Variants in VTI1A observed in about 807,000 individuals in gnomAD.
VTI1A encodes vesicle transport through interaction with t-SNAREs 1A, also known as vesicle transport through interaction with t-SNAREs homolog 1A.
In VTI1A, 22 loss-of-function variants were observed where a neutral mutation model predicts 34.9. The ratio of observed to expected loss-of-function variants is 0.63; its 90% CI spans 0.45 to 0.90. The LOEUF (loss-of-function observed/expected upper bound fraction) is 0.90, where lower values mean the gene tolerates loss of function less well. Among genes scored for constraint, VTI1A ranks in the 40% least tolerant of loss-of-function variants. The pLI, the probability that VTI1A is intolerant of heterozygous loss-of-function variation, is 0.00. For synonymous variants in VTI1A, 87 were observed against 97.3 expected, an observed-to-expected ratio of 0.89 and a Z score of 0.62; for missense variants, 268 against 275.6, an observed-to-expected ratio of 0.97 and a Z score of 0.20.
rs538813443 is a variant in VTI1A, at chr10:112,719,735, G to C, written c.560+50737G>C. Among the ~76,000 whole-genome samples the C allele has an allele frequency of 4.1e-3, 631 of 152,132 alleles. 2 individuals carry two copies. The highest frequency in any genetic ancestry group is 5.2e-3 in the Non-Finnish European group (351 of 67,992). The stretch of plus-strand genomic sequence containing the variant: ...CTAGTTTTGTATTTTTAGTAGAGAC[G>C]GGGTTTCTCCATGTTGGTCAGGCTG... On this transcript the variant is annotated intron_variant, in intron 7 of 7. Transcript: ENST00000393077.
At chr10:112,533,967 T>TC (rs1486927729) in intron 4 of VTI1A, among the ~76,000 whole-genome samples, 1 of 152,118 alleles carries the variant, frequency 6.6e-6, no homozygotes, top group East Asian at 1.9e-4. Flanking sequence ...TTAAATAAAC[T>TC]CCTTTCCCCC....
rs762339605 is a variant in VTI1A at position 112,697,865 on chromosome 10, C to CGTGTGTGTGTGTGTGT, written c.560+28867_560+28868insGTGTGTGTGTGTGTGT. On this transcript the variant is annotated intron_variant, in intron 7 of 7. Transcript: ENST00000393077. ...TTTTGTTTCTCTGTATTAGCATTTACATGTGTGTGTGTGTGTGTGTGTGTG... is the reference window on the plus strand; with the variant it reads ...TTTTGTTTCTCTGTATTAGCATTTACGTGTGTGTGTGTGTGTATGTGTGTGTGTGTGTGTGTGTGTG... Among the ~76,000 whole-genome samples the CGTGTGTGTGTGTGTGT allele has an allele frequency of 2.1e-4, 27 of 126,204 alleles. 1 individual carries two copies. Among genetic ancestry groups the CGTGTGTGTGTGTGTGT allele is most frequent in the African/African-American group, 7.8e-4 (26 of 33,230 alleles). 82.8% of individuals were successfully genotyped at this position (126,204 alleles called of 152,430 possible).
chr10:112,474,497 C>G (rs1360862396), intron 3 of VTI1A, among the ~76,000 whole-genome samples: 2 of 150,992 alleles, frequency 1.3e-5, no homozygotes, highest in Non-Finnish European at 2.9e-5. Context: ...GCTCTGTCAC[C>G]CAGGCTAGTG....
intron 7 of VTI1A, chr10:112,737,741 C>T (rs764280330): frequency 3.4e-5 from 36 of 1,059,190 alleles, no homozygotes; most frequent in Middle Eastern, 4.2e-4. Flanking sequence ...GCTCTCTGGC[C>T]GCCTTTCCTC....
chr10:112,552,651 T>C (rs776551174), intron 5 of VTI1A, among the ~76,000 whole-genome samples: 23 of 152,076 alleles, frequency 1.5e-4, no homozygotes, highest in Non-Finnish European at 2.8e-4. Context: ...AGCATGAAGA[T>C]GGACCAAGTA....
Position 112,767,249 on chromosome 10 carries a change from A to G in VTI1A, c.561-48041A>G, listed in dbSNP as rs560176658. ...TTCTCACAGCAATCTTTGGGTAAGT[A>G]GTTTTATCATCTCCTGCTACAGATG... On this transcript the variant is annotated intron_variant, in intron 7 of 7. Transcript: ENST00000393077. This position sits in a 1 kb window ranked among gnomAD's most constrained non-coding sequence, Gnocchi z 4.0. Among the ~76,000 whole-genome samples, 1 of 152,322 alleles carries G rather than the reference A, an allele frequency of 6.6e-6. No individual in the cohort carries two copies. Among genetic ancestry groups the G allele is most frequent in the Admixed American group, 6.5e-5 (1 of 15,298 alleles).
chr10:112,851,987 G>A, the VTI1A span, among the ~76,000 whole-genome samples: 71 of 152,054 alleles, frequency 4.7e-4, no homozygotes, highest in African/African-American at 1.6e-3. Context: ...TTCCTTTTAT[G>A]AGACAAAAGA....
chr10:112,482,824 G>A (rs975318409), intron 3 of VTI1A, among the ~76,000 whole-genome samples: 1 of 152,128 alleles, frequency 6.6e-6, no homozygotes, highest in African/African-American at 2.4e-5. Flanking sequence ...ATGACACATA[G>A]AAAGTGAAAA....
chr10:112,770,100 C>CT (rs1851762034), intron 7 of VTI1A, among the ~76,000 whole-genome samples: 1 of 151,714 alleles, frequency 6.6e-6, no homozygotes, highest in Admixed American at 6.6e-5. Context: ...ACCAACACAT[C>CT]TGCAGGCGGA....
chr10:112,686,125 A>C (rs1848401769), intron 7 of VTI1A, among the ~76,000 whole-genome samples: 1 of 152,050 alleles, frequency 6.6e-6, no homozygotes, highest in African/African-American at 2.4e-5. Context: ...CAGTCCAAAT[A>C]CCTCCTGAGT....
intron 5 of VTI1A, among the ~76,000 whole-genome samples, chr10:112,579,164 T>C (rs761704281): frequency 2.0e-5 from 3 of 152,170 alleles, no homozygotes; most frequent in Non-Finnish European, 4.4e-5. Context: ...GCAGAGGACA[T>C]TGATGACTGT....
At chr10:112,839,798 A>G in the VTI1A span, among the ~76,000 whole-genome samples, 1 of 152,102 alleles carries the variant, frequency 6.6e-6, no homozygotes, top group African/African-American at 2.4e-5. Context: ...CTCAGGAGGG[A>G]GGAGCGCCTA....
intron 5 of VTI1A, among the ~76,000 whole-genome samples, chr10:112,620,799 A>G (rs1845707367): frequency 6.6e-6 from 1 of 151,922 alleles, no homozygotes; most frequent in African/African-American, 2.4e-5. Context: ...TCAAAAAAAA[A>G]AAAAGAAAAG....
chr10:112,545,276 T>C (rs901356216), intron 5 of VTI1A, among the ~76,000 whole-genome samples: 2 of 152,254 alleles, frequency 1.3e-5, no homozygotes, highest in East Asian at 3.8e-4. Context: ...GACTTATTAA[T>C]CTTTGTGCCT....
At chr10:112,761,151 T>C (rs951827379) in intron 7 of VTI1A, among the ~76,000 whole-genome samples, 1 of 152,182 alleles carries the variant, frequency 6.6e-6, no homozygotes, top group Non-Finnish European at 1.5e-5. Flanking sequence ...TCCGCTGCTA[T>C]TTAACGAAGT....
chr10:112,469,544 G>A (rs1460425558), intron 3 of VTI1A, among the ~76,000 whole-genome samples: 2 of 152,112 alleles, frequency 1.3e-5, no homozygotes, highest in African/African-American at 4.8e-5. Flanking sequence ...AAATCAGATT[G>A]GTCCTTTCAG....
intron 7 of VTI1A, among the ~76,000 whole-genome samples, chr10:112,707,390 A>G (rs151133955): frequency 0.036 from 5,494 of 152,114 alleles, 344 homozygotes; most frequent in African/African-American, 0.13. Context: ...CTGGAGTACA[A>G]TGGTGCGATC....
At chr10:112,655,036 C>A (rs572069960) in intron 5 of VTI1A, among the ~76,000 whole-genome samples, 1 of 152,248 alleles carries the variant, frequency 6.6e-6, no homozygotes, top group Non-Finnish European at 1.5e-5. Context: ...AGATTGCCAA[C>A]CCTTACAGTA....
chr10:112,618,666 C>G (rs933540555), intron 5 of VTI1A, among the ~76,000 whole-genome samples: 1 of 151,332 alleles, frequency 6.6e-6, no homozygotes, highest in South Asian at 2.1e-4. Context: ...TTGAGCCTGA[C>G]CTTAAAATAT....
Sources: allele counts gnomAD v4.1 joint callset (sites outside exome capture counted in the v4.1 genomes callset), GRCh38; gene constraint gnomAD v4.1.1; non-coding constraint Gnocchi (gnomAD v3.1); transcripts MANE v1.5; gene names NCBI Gene and HGNC (gene_info 2026-07-23, HGNC 2026-07-21).